Variants in NFATC3 observed in about 807,000 individuals in gnomAD.
The protein encoded by NFATC3 is nuclear factor of activated T-cells, cytoplasmic 3.
Under a neutral mutation model 98.6 loss-of-function variants are expected in NFATC3, and 46 were observed. That is an observed-to-expected ratio of 0.47 (90% CI 0.37 to 0.60). The LOEUF (loss-of-function observed/expected upper bound fraction) is 0.60, where lower values mean the gene tolerates loss of function less well. NFATC3 is among the 20% of genes least tolerant of loss of function. The pLI is 0.00. For synonymous variants in NFATC3, 512 were observed against 472.2 expected, an observed-to-expected ratio of 1.08 and a Z score of -1.09; for missense variants, 1,256 against 1,295.5, an observed-to-expected ratio of 0.97 and a Z score of 0.47.
chr16:68,193,566 G>A (rs1405434115), intron 9 of NFATC3, among the ~76,000 whole-genome samples: 2 of 152,142 alleles, frequency 1.3e-5, no homozygotes, highest in African/African-American at 4.8e-5. Flanking sequence ...CTACTAGGAA[G>A]ACTGAAGTGG....
chr16:68,191,451 C>T lies in NFATC3; in HGVS notation c.2782C>T (p.Pro928Ser), dbSNP rs1185317552. ...SHSGSATTAS[P>S]AASHPLASSP... ...TTCAGGGTCTGCTACAACAGCTTCC[C>T]CAGCAGCTTCTCATCCCTTGGCTAG... Residue 928 changes from proline (P) to serine (S), a missense_variant, in exon 9 of 10, where the codon CCA becomes TCA. Around this residue, in one of 3 missense-constraint regions of NFATC3, gnomAD observed 636 missense variants for 617.3 expected, o/e 1.03. Coordinates refer to ENST00000346183, the MANE Select transcript of NFATC3 (RefSeq NM_173165.3). The T allele has an allele frequency of 1.2e-6, 2 of 1,614,110 alleles. No individual in the cohort carries two copies. Among genetic ancestry groups the T allele is most frequent in the South Asian group, 1.1e-5 (1 of 91,080 alleles).
intron 3 of NFATC3, among the ~76,000 whole-genome samples, chr16:68,146,267 A>G (rs2038035981): frequency 6.6e-6 from 1 of 152,100 alleles, no homozygotes. Flanking sequence ...CTAATTATTT[A>G]AGAAGAATAA....
chr16:68,163,515 C>G (rs1468276122), intron 4 of NFATC3, among the ~76,000 whole-genome samples: 1 of 151,598 alleles, frequency 6.6e-6, no homozygotes, highest in Non-Finnish European at 1.5e-5. Context: ...ACTTCCCTCC[C>G]GGACGGGGCG....
intron 1 of NFATC3, among the ~76,000 whole-genome samples, chr16:68,089,730 A>G (rs1402490044): frequency 6.6e-6 from 1 of 152,164 alleles, no homozygotes; most frequent in Non-Finnish European, 1.5e-5. Context: ...GCCATTATAA[A>G]GGGCAGCCTG....
intron 9 of NFATC3, among the ~76,000 whole-genome samples, chr16:68,207,154 A>G (rs963280788): frequency 6.8e-6 from 1 of 148,010 alleles, no homozygotes; most frequent in South Asian, 2.2e-4. Context: ...TACTAAAAAT[A>G]CAAAAATTAG....
At chr16:68,144,481 C>T (rs865807694) in intron 3 of NFATC3, among the ~76,000 whole-genome samples, 9 of 151,818 alleles carry the variant, frequency 5.9e-5, no homozygotes, top group Middle Eastern at 3.4e-3. Flanking sequence ...TAATAATATT[C>T]GTAACAACTA....
chr16:68,109,509 C>A (rs1481152464), intron 1 of NFATC3, among the ~76,000 whole-genome samples: 1 of 152,160 alleles, frequency 6.6e-6, no homozygotes, highest in Non-Finnish European at 1.5e-5. Context: ...GATCAATGTT[C>A]ATCAGTGATA....
chr16:68,187,282 G>T (rs777518628), intron 8 of NFATC3, among the ~76,000 whole-genome samples: 2 of 152,220 alleles, frequency 1.3e-5, no homozygotes, highest in South Asian at 2.1e-4. Flanking sequence ...GCCCCAAAGA[G>T]GGTGTCACAG....
intron 9 of NFATC3, among the ~76,000 whole-genome samples, chr16:68,215,419 C>T (rs1377090007): frequency 6.6e-6 from 1 of 152,160 alleles, no homozygotes; most frequent in African/African-American, 2.4e-5. Context: ...GTTAAGTCAC[C>T]TGAGTCACAT....
intron 9 of NFATC3, chr16:68,200,534 C>A (rs959523055): frequency 1.3e-5 from 2 of 152,050 alleles, no homozygotes; most frequent in African/African-American, 4.8e-5. Flanking sequence ...AGAAGCATTT[C>A]TCAGTCTCAG....
At chr16:68,094,027 T>C (rs2034874433) in intron 1 of NFATC3, among the ~76,000 whole-genome samples, 1 of 152,186 alleles carries the variant, frequency 6.6e-6, no homozygotes, top group East Asian at 1.9e-4. Context: ...CTCTAGGAAA[T>C]TTTAAAGGGT....
At chr16:68,116,841 A>T (rs1282187895) in intron 1 of NFATC3, among the ~76,000 whole-genome samples, 1 of 151,662 alleles carries the variant, frequency 6.6e-6, no homozygotes, top group African/African-American at 2.4e-5. Flanking sequence ...GATTTAATTA[A>T]TTTTTCCTAT....
intron 9 of NFATC3, among the ~76,000 whole-genome samples, chr16:68,208,192 C>T (rs57952156): frequency 0.013 from 1,990 of 152,044 alleles, 43 homozygotes; most frequent in African/African-American, 0.045. Flanking sequence ...CACACCACCA[C>T]GCCTGGCTAA....
chr16:68,226,333 CT>C lies in NFATC3; in HGVS notation c.3107-13del, dbSNP rs775727000. The C allele has an allele frequency of 1.1e-5, 18 of 1,570,172 alleles. No homozygotes were observed. Among genetic ancestry groups the C allele is most frequent in the Non-Finnish European group, 1.5e-5 (17 of 1,163,030 alleles). ...ACTCAGAGGTCACTAATCACTCTCC[CT>C]TTTCTTGTTTTTCAGTGAACGAGAT... On this transcript the variant is annotated splice_polypyrimidine_tract_variant and intron_variant, in intron 9 of 9. Coordinates refer to ENST00000346183, the MANE Select transcript of NFATC3 (RefSeq NM_173165.3).
chr16:68,219,075 C>G (rs2041752782), intron 9 of NFATC3, among the ~76,000 whole-genome samples: 1 of 151,278 alleles, frequency 6.6e-6, no homozygotes, highest in African/African-American at 2.4e-5. Context: ...AAGACCCTGT[C>G]TCTATCCTCC....
At chr16:68,154,346 G>A (rs941587584) in intron 3 of NFATC3, among the ~76,000 whole-genome samples, 7 of 152,102 alleles carry the variant, frequency 4.6e-5, no homozygotes, top group African/African-American at 7.2e-5. Context: ...TTCTAGGAAA[G>A]ATTTATTGCA....
chr16:68,106,926 C>G (rs1292538669), intron 1 of NFATC3, among the ~76,000 whole-genome samples: 2 of 152,052 alleles, frequency 1.3e-5, no homozygotes, highest in Admixed American at 1.3e-4. Flanking sequence ...ACCCCCACCC[C>G]CAGACAGGCC....
chr16:68,191,753 G>A lies in NFATC3; in HGVS notation c.3084G>A (p.Leu1028=). The A allele has an allele frequency of 6.2e-7, 1 of 1,614,152 alleles. No individual in the cohort carries two copies. Among genetic ancestry groups the A allele is most frequent in the Non-Finnish European group, 8.5e-7 (1 of 1,180,026 alleles). The change falls in exon 9 of 10, where the codon CTG becomes CTA. Residue 1028 remains leucine, a synonymous_variant. Transcript: ENST00000346183. ...AGCCTAACTTTGCAACCATTGGTCTGCAGGACATCACTTTAGATGATGGTA... is the reference window on the plus strand; with the variant it reads ...AGCCTAACTTTGCAACCATTGGTCTACAGGACATCACTTTAGATGATGGTA... ...DREPNFATIG[L]QDITLDDVNE...
Position 68,107,388 on chromosome 16 carries a change from C to T in NFATC3, c.104-14599C>T, listed in dbSNP as rs576723114. ...ACCAAGAGTATAAAAGCCTTTCTAT[C>T]TCAGCCTCGCCAACATCTGTTGTTT... is the stretch of plus-strand genomic sequence containing the variant. On this transcript the variant is annotated intron_variant, in intron 1 of 9. Coordinates refer to ENST00000346183, the MANE Select transcript of NFATC3 (RefSeq NM_173165.3). Among the ~76,000 whole-genome samples the T allele has an allele frequency of 6.6e-5, 10 of 152,224 alleles. No individual in the cohort carries two copies. The South Asian group carries it at 2.1e-3, about 32-fold the overall frequency.
Sources: allele counts gnomAD v4.1 joint callset (sites outside exome capture counted in the v4.1 genomes callset), GRCh38; gene constraint gnomAD v4.1.1; regional missense constraint gnomAD v4.1.1; transcripts MANE v1.5; gene names NCBI Gene and HGNC (gene_info 2026-07-23, HGNC 2026-07-21).